Variants in ANO5 observed in about 807,000 individuals in gnomAD.
The protein encoded by ANO5 is anoctamin 5.
In ANO5, 109 loss-of-function variants were observed where a neutral mutation model predicts 121.0. The observed-to-expected ratio is 0.90, with a 90% CI of 0.77 to 1.06. The LOEUF is 1.06. Ranked by LOEUF, ANO5 falls within the 50% of genes least tolerant of loss-of-function variation. The probability of loss-of-function intolerance (pLI) is 0.00; values close to 1 mark genes in which losing one functional copy is unlikely to be tolerated. For synonymous variants in ANO5, 406 were observed against 359.9 expected, an observed-to-expected ratio of 1.13 and a Z score of -1.45; for missense variants, 1,064 against 1,078.5, an observed-to-expected ratio of 0.99 and a Z score of 0.19.
At chr11:22,226,456 T>G (rs547750501) in intron 6 of ANO5, among the ~76,000 whole-genome samples, 18 of 152,188 alleles carry the variant, frequency 1.2e-4, no homozygotes, top group Non-Finnish European at 2.2e-4. Flanking sequence ...TAAAGTCATT[T>G]TATTTACTGT....
At chr11:22,233,992 T>G (rs1853133179) in intron 7 of ANO5, among the ~76,000 whole-genome samples, 1 of 152,126 alleles carries the variant, frequency 6.6e-6, no homozygotes, top group Admixed American at 6.6e-5. Flanking sequence ...GGCAAAGCCG[T>G]ATTTCATCTC....
chr11:22,251,176 T>C (rs1272903279), intron 12 of ANO5, among the ~76,000 whole-genome samples, 165 bp downstream of exon 12: 1 of 152,204 alleles, frequency 6.6e-6, no homozygotes, highest in Non-Finnish European at 1.5e-5. Context: ...TAGTGGCCAT[T>C]AGTTCTTGGT....
At chr11:22,236,812 T>C (rs1853236733) in intron 8 of ANO5, among the ~76,000 whole-genome samples, 1 of 152,208 alleles carries the variant, frequency 6.6e-6, no homozygotes, top group Non-Finnish European at 1.5e-5. Context: ...ACTAAAGGCT[T>C]CAGTGCATAA....
intron 8 of ANO5, among the ~76,000 whole-genome samples, chr11:22,238,451 G>A (rs1853312315): frequency 1.3e-5 from 2 of 152,078 alleles, no homozygotes; most frequent in Non-Finnish European, 2.9e-5. Flanking sequence ...GAAATTCGAT[G>A]TCACTGAGCT....
intron 18 of ANO5, 26 bp from the exon 19 acceptor site, chr11:22,272,758 T>C: frequency 1.9e-6 from 3 of 1,598,594 alleles, no homozygotes; most frequent in Non-Finnish European, 2.6e-6. Context: ...CAATAATGAG[T>C]TCATGCCTTT....
intron 1 of ANO5, among the ~76,000 whole-genome samples, chr11:22,202,746 A>G (rs1433711464): frequency 6.6e-6 from 1 of 152,060 alleles, no homozygotes; most frequent in Non-Finnish European, 1.5e-5. Context: ...TGAAATACTT[A>G]GTGTTTTTTG....
intron 14 of ANO5, among the ~76,000 whole-genome samples, chr11:22,258,793 T>C (rs73481689): frequency 0.055 from 8,351 of 152,234 alleles, 776 homozygotes; most frequent in African/African-American, 0.19. Context: ...TGGCCACATA[T>C]AGTCTCTGGA....
chr11:22,238,288 T>C (rs796390763), intron 8 of ANO5, among the ~76,000 whole-genome samples: 3,474 of 151,746 alleles, frequency 0.023, 130 homozygotes, highest in African/African-American at 0.079. Flanking sequence ...GTTTTTTTTT[T>C]TTTTTTGAAG....
chr11:22,211,892 T>G (rs1718321364), intron 3 of ANO5, among the ~76,000 whole-genome samples: 1 of 151,966 alleles, frequency 6.6e-6, no homozygotes, highest in Non-Finnish European at 1.5e-5. Flanking sequence ...GATAGTTTGC[T>G]TTTCACTAGA....
chr11:22,272,741 T>G, intron 18 of ANO5, 43 bp from the exon 19 acceptor site: 1 of 1,571,984 alleles, frequency 6.4e-7, no homozygotes, highest in East Asian at 2.2e-5. Context: ...CCTGTCTTTC[T>G]CCTTCACAAT....
rs1394763627 is a variant in ANO5 at position 22,279,665 on chromosome 11, T to G, written c.2642T>G (p.Leu881Arg). Residue 881 changes from leucine (L) to arginine (R), a missense_variant, in exon 22 of 22, where the codon CTC (leucine) becomes CGC (arginine). By Grantham distance (102) the Leu-to-Arg change is moderately radical (BLOSUM62 -2). Transcript: ENST00000324559. ...ATCAAGATTCTCCATGATTTTGAGC[T>G]CAACAAATTAAAAGAGAACTTGGGA... ...MTIKILHDFELNKLKENLGIN... is the reference protein window; with the variant it reads ...MTIKILHDFERNKLKENLGIN... 1 of 1,612,928 alleles carries G rather than the reference T, an allele frequency of 6.2e-7. No homozygotes were observed. The highest frequency in any genetic ancestry group is 8.5e-7 in the Non-Finnish European group (1 of 1,179,168).
Position 22,251,011 on chromosome 11 carries a change from G to A in ANO5, c.1180G>A (p.Val394Ile). 6.2e-7 allele frequency: 1 copy of A among 1,609,524 alleles called. No individual in the cohort carries two copies. Among genetic ancestry groups the A allele is most frequent in the Non-Finnish European group, 8.5e-7 (1 of 1,178,324 alleles). ...VFFAIFMGIW[V>I]TLFLEFWKQR... is the part of the protein sequence containing the mutation. ...CTTTGCAATATTCATGGGAATTTGG[G>A]GTGAGTAAATAGTCCCATAAAGAAA... is the stretch of plus-strand genomic sequence containing the variant. Residue 394 changes from valine (V) to isoleucine (I), a missense_variant and splice_region_variant, in exon 12 of 22, where the codon GTC (valine) becomes ATC (isoleucine). Val to Ile is a conservative substitution (Grantham distance 29). Coordinates refer to ENST00000324559, the MANE Select transcript of ANO5 (RefSeq NM_213599.3).
chr11:22,243,925 T>G (rs1197178524), intron 9 of ANO5, among the ~76,000 whole-genome samples: 1 of 152,130 alleles, frequency 6.6e-6, no homozygotes, highest in Non-Finnish European at 1.5e-5. Flanking sequence ...AGTATTGATA[T>G]GTGAGATTTT....
chr11:22,255,250 A>G, intron 12 of ANO5, 121 bp from the exon 13 acceptor site: 2 of 708,204 alleles, frequency 2.8e-6, no homozygotes, highest in East Asian at 5.7e-5. Context: ...CAAACACAAC[A>G]GTGAAAGAAT....
chr11:22,218,131 A>ACACACACACT, intron 3 of ANO5, 115 bp from the exon 4 acceptor site: 1 of 1,106,498 alleles, frequency 9.0e-7, no homozygotes, highest in Non-Finnish European at 1.4e-6. Context: ...ACACACACAC[A>ACACACACACT]CACACACACT....
At chr11:22,250,102 G>A in intron 9 of ANO5, 135 bp from the exon 10 acceptor site, 1 of 762,382 alleles carries the variant, frequency 1.3e-6, no homozygotes, top group African/African-American at 1.8e-5. Flanking sequence ...AGAGAGTTGA[G>A]TAACTTCACC....
chr11:22,259,005 C>G (rs1019733603), intron 14 of ANO5, among the ~76,000 whole-genome samples: 1 of 151,890 alleles, frequency 6.6e-6, no homozygotes, highest in Non-Finnish European at 1.5e-5. Context: ...TGGTGGCGGT[C>G]ACCTGTAGTC....
intron 12 of ANO5, among the ~76,000 whole-genome samples, chr11:22,254,675 G>C (rs1454140955): frequency 6.6e-6 from 1 of 150,900 alleles, no homozygotes; most frequent in Non-Finnish European, 1.5e-5. Context: ...TTTTATATTG[G>C]TGCTGGTTAT....
chr11:22,262,109 A>AT lies in ANO5; in HGVS notation c.1631-11dup, dbSNP rs202244923. On this transcript the variant is annotated intron_variant, in intron 15 of 21. Coordinates refer to ENST00000324559, the MANE Select transcript of ANO5 (RefSeq NM_213599.3). ...AAAAAAATAAGAAGATGCACTAAAC[A>AT]TTTTTTTTTAACTTAACAGAAATTC... 98 of 1,572,816 alleles carry AT rather than the reference A, an allele frequency of 6.2e-5. No homozygotes were observed. Among genetic ancestry groups the AT allele is most frequent in the Admixed American group, 8.5e-5 (5 of 58,810 alleles).
Sources: allele counts gnomAD v4.1 joint callset (sites outside exome capture counted in the v4.1 genomes callset), GRCh38; gene constraint gnomAD v4.1.1; transcripts MANE v1.5; gene names NCBI Gene and HGNC (gene_info 2026-07-23, HGNC 2026-07-21).